Variants in THSD7B observed in about 807,000 individuals in gnomAD.
The protein encoded by THSD7B is thrombospondin type-1 domain-containing protein 7B.
In THSD7B, 138 loss-of-function variants were observed where a neutral mutation model predicts 213.6. The ratio of observed to expected loss-of-function variants is 0.65; its 90% CI spans 0.56 to 0.74. THSD7B has a LOEUF of 0.74. Ranked by LOEUF, THSD7B falls within the 30% of genes least tolerant of loss-of-function variation. The pLI, the probability that THSD7B is intolerant of heterozygous loss-of-function variation, is 0.00. For synonymous variants in THSD7B, 742 were observed against 687.0 expected, an observed-to-expected ratio of 1.08 and a Z score of -1.25; for missense variants, 1,931 against 1,991.5, an observed-to-expected ratio of 0.97 and a Z score of 0.58.
chr2:137,411,983 C>T (rs1686666256), intron 14 of THSD7B, 111 bp downstream of exon 14: 2 of 1,273,868 alleles, frequency 1.6e-6, no homozygotes, highest in African/African-American at 3.0e-5. Flanking sequence ...TTTAATTTTC[C>T]TTTGTCAATA....
intron 2 of THSD7B, among the ~76,000 whole-genome samples, chr2:137,032,092 CG>C (rs1686685730): frequency 6.6e-6 from 1 of 151,858 alleles, no homozygotes; most frequent in African/African-American, 2.4e-5. Context: ...CCACCTACCT[CG>C]GCCTCCCAAA....
intron 15 of THSD7B, among the ~76,000 whole-genome samples, chr2:137,546,458 TATATAA>T (rs1680735053): frequency 1.2e-4 from 3 of 25,778 alleles, no homozygotes; most frequent in African/African-American, 7.5e-4. Flanking sequence ...ATATATATTA[TATATAA>T]TATATATATA....
chr2:136,940,877 T>A (rs939729938), intron 2 of THSD7B, among the ~76,000 whole-genome samples: 3 of 149,040 alleles, frequency 2.0e-5, no homozygotes, highest in Non-Finnish European at 4.4e-5. Flanking sequence ...TTTTTTTTTT[T>A]AAAGTTCTAG....
intron 12 of THSD7B, among the ~76,000 whole-genome samples, chr2:137,302,547 T>C (rs371932719): frequency 2.0e-5 from 3 of 152,144 alleles, no homozygotes; most frequent in East Asian, 1.9e-4. Flanking sequence ...AAATTGGAGA[T>C]AGTAATTGGG....
At chr2:136,819,791 G>A (rs1167323779) in intron 1 of THSD7B, among the ~76,000 whole-genome samples, 3 of 152,066 alleles carry the variant, frequency 2.0e-5, no homozygotes, top group African/African-American at 7.2e-5. Context: ...TTTTAGAAGT[G>A]TAGGGAGTTT....
Position 137,057,003 on chromosome 2 carries a change from T to A in THSD7B, c.723T>A (p.Phe241Leu). ...CTCTTGGGGAAGAGGAATATACATT[T>A]AGCCTTAAGGTTGGACCATGGAGTA... ...SCPLGEEEYTFSLKVGPWSKC... is the reference protein window; with the variant it reads ...SCPLGEEEYTLSLKVGPWSKC... The change falls in exon 3 of 28, where the codon TTT becomes TTA. Residue 241 changes from phenylalanine to leucine, a missense_variant. Coordinates refer to ENST00000409968, the MANE Select transcript of THSD7B (RefSeq NM_001316349.2). 6.2e-7 allele frequency: 1 copy of A among 1,613,926 alleles called. No individual in the cohort carries two copies. The highest frequency in any genetic ancestry group is 1.1e-5 in the South Asian group (1 of 91,074).
chr2:137,136,480 G>A (rs1679464293), intron 5 of THSD7B, among the ~76,000 whole-genome samples: 1 of 152,180 alleles, frequency 6.6e-6, no homozygotes, highest in African/African-American at 2.4e-5. Context: ...AACTTGCTTT[G>A]TTCTGATTGA....
intron 17 of THSD7B, among the ~76,000 whole-genome samples, chr2:137,582,843 G>T (rs1244971492): frequency 2.6e-5 from 4 of 152,104 alleles, no homozygotes; most frequent in Admixed American, 1.3e-4. Context: ...ATAATCCTTT[G>T]GGTGTATACC....
chr2:136,818,874 T>C lies in THSD7B; in HGVS notation c.-36+53187T>C, dbSNP rs186304607. On this transcript the variant is annotated intron_variant, in intron 1 of 27. Transcript: ENST00000409968. Reference sequence around the variant, plus strand: ...TATAACTCTAATAAAATTATGCTGTTATAAAGGAGAATTGTCATTTTAGGT... The same window carrying C: ...TATAACTCTAATAAAATTATGCTGTCATAAAGGAGAATTGTCATTTTAGGT... 2.4e-3 allele frequency among the ~76,000 whole-genome samples: 364 copies of C among 152,272 alleles called. 1 individual carries two copies. Among genetic ancestry groups the C allele is most frequent in the African/African-American group, 8.4e-3 (351 of 41,542 alleles).
chr2:137,101,210 G>A (rs1247567813), intron 4 of THSD7B, among the ~76,000 whole-genome samples: 1 of 151,902 alleles, frequency 6.6e-6, no homozygotes, highest in East Asian at 1.9e-4. Context: ...GCTGATTATT[G>A]TATTTTTAGT....
chr2:137,310,084 T>G (rs906142522), intron 12 of THSD7B, among the ~76,000 whole-genome samples: 2 of 151,754 alleles, frequency 1.3e-5, no homozygotes, highest in Non-Finnish European at 2.9e-5. Flanking sequence ...ATCGCCACAC[T>G]GACTTCCACA....
chr2:137,563,404 CA>C (rs1457247430), intron 16 of THSD7B, 50 bp downstream of exon 16: 9 of 1,598,438 alleles, frequency 5.6e-6, no homozygotes, highest in Non-Finnish European at 6.0e-6. Flanking sequence ...GGAACTTATA[CA>C]TTTTTTATAA....
At chr2:137,285,310 G>A (rs1161746473) in intron 12 of THSD7B, among the ~76,000 whole-genome samples, 2 of 152,022 alleles carry the variant, frequency 1.3e-5, no homozygotes, top group African/African-American at 4.8e-5. Context: ...ACGTAAGATG[G>A]GTTTCCTGAA....
At chr2:137,021,068 G>T (rs1325984920) in intron 2 of THSD7B, among the ~76,000 whole-genome samples, 1 of 152,160 alleles carries the variant, frequency 6.6e-6, no homozygotes, top group East Asian at 1.9e-4. Flanking sequence ...TTGTGGAACT[G>T]CAGAGTTTTT....
chr2:137,618,097 C>A (rs1682442173), intron 18 of THSD7B, among the ~76,000 whole-genome samples: 1 of 152,250 alleles, frequency 6.6e-6, no homozygotes, highest in South Asian at 2.1e-4. Flanking sequence ...CTTTACCATC[C>A]TGGTTAGTAT....
intron 19 of THSD7B, 27 bp from the exon 20 acceptor site, chr2:137,620,582 A>G (rs200297243): frequency 9.7e-6 from 15 of 1,553,880 alleles, no homozygotes; most frequent in Non-Finnish European, 1.2e-5. Flanking sequence ...TTTCTCCAAT[A>G]AAGTTGTGTT....
At chr2:137,334,195 TC>T in intron 12 of THSD7B, among the ~76,000 whole-genome samples, 1 of 140,516 alleles carries the variant, frequency 7.1e-6, no homozygotes, top group African/African-American at 2.5e-5. Flanking sequence ...TCTCTCTCTC[TC>T]TCTCTTTCTC....
chr2:137,312,298 G>A (rs1683935472), intron 12 of THSD7B, among the ~76,000 whole-genome samples: 1 of 152,094 alleles, frequency 6.6e-6, no homozygotes, highest in African/African-American at 2.4e-5. Context: ...TTGCGTAGAG[G>A]TGTTTATAGT....
chr2:137,265,670 C>T (rs1055641614), intron 10 of THSD7B, among the ~76,000 whole-genome samples: 11 of 152,174 alleles, frequency 7.2e-5, no homozygotes, highest in African/African-American at 2.7e-4. Flanking sequence ...AATAGCAGTG[C>T]AGTCCGTCTA....
Sources: gnomAD v4.1 joint callset for allele counts (sites outside exome capture counted in the v4.1 genomes callset) on GRCh38, gnomAD v4.1.1 for gene constraint, MANE v1.5 for transcripts, NCBI Gene and HGNC (gene_info 2026-07-23, HGNC 2026-07-21) for gene names.